Variants in MYO16 observed in about 807,000 individuals in gnomAD.
The protein encoded by MYO16 is myosin XVI, also known as unconventional myosin-XVI.
In MYO16, 94 loss-of-function variants were observed where a neutral mutation model predicts 205.3. The ratio of observed to expected loss-of-function variants is 0.46; its 90% confidence interval spans 0.39 to 0.54. The LOEUF (loss-of-function observed/expected upper bound fraction) is 0.54. Ranked by LOEUF, MYO16 falls within the 20% of genes least tolerant of loss-of-function variation. The probability of loss-of-function intolerance (pLI) is 0.00; values close to 1 mark genes in which losing one functional copy is unlikely to be tolerated. For missense variants in MYO16, 2,315 were observed against 2,387.5 expected, an observed-to-expected ratio of 0.97 and a Z score of 0.63; for synonymous variants, 988 against 954.0, an observed-to-expected ratio of 1.04 and a Z score of -0.66.
At chr13:109,090,732 T>G (rs749208879) in intron 27 of MYO16, among the ~76,000 whole-genome samples, 3 of 152,166 alleles carry the variant, frequency 2.0e-5, no homozygotes, top group African/African-American at 7.2e-5. Context: ...AAAATAGATT[T>G]CTGTGTGAAC....
At chr13:108,737,996 T>G (rs1004746177) in intron 4 of MYO16, among the ~76,000 whole-genome samples, 1 of 152,172 alleles carries the variant, frequency 6.6e-6, no homozygotes, top group African/African-American at 2.4e-5. Flanking sequence ...CCTTTATAAT[T>G]TTTATTGTGT....
chr13:108,828,818 A>C (rs1476842332), intron 9 of MYO16, among the ~76,000 whole-genome samples: 1 of 152,142 alleles, frequency 6.6e-6, no homozygotes, highest in East Asian at 1.9e-4. Context: ...GAGACTCCGA[A>C]TTGGTGAGCA....
chr13:109,170,274 A>T (rs1878871353), intron 33 of MYO16, among the ~76,000 whole-genome samples: 1 of 152,214 alleles, frequency 6.6e-6, no homozygotes, highest in Non-Finnish European at 1.5e-5. Flanking sequence ...TTAGAAAAAC[A>T]ATTTTAATGG....
chr13:108,728,296 G>A (rs1023426071), intron 4 of MYO16, among the ~76,000 whole-genome samples: 2 of 152,138 alleles, frequency 1.3e-5, no homozygotes, highest in African/African-American at 2.4e-5. Context: ...TTACACAAAA[G>A]CAAACTGATG....
At chr13:109,002,888 G>A (rs954283068) in intron 21 of MYO16, among the ~76,000 whole-genome samples, 2 of 152,176 alleles carry the variant, frequency 1.3e-5, no homozygotes, top group Non-Finnish European at 2.9e-5. Context: ...CATTTGGTTT[G>A]TGGGGTACAT....
chr13:108,771,866 T>A (rs1250584208), intron 4 of MYO16, among the ~76,000 whole-genome samples: 1 of 152,218 alleles, frequency 6.6e-6, no homozygotes, highest in Non-Finnish European at 1.5e-5. Flanking sequence ...TTCCAATGTC[T>A]GGATGTACCA....
chr13:108,591,758 T>C (rs1878406004), upstream of MYO16, among the ~76,000 whole-genome samples: 1 of 152,200 alleles, frequency 6.6e-6, no homozygotes, highest in African/African-American at 2.4e-5. Context: ...CTTTGAAGTT[T>C]CAAATAAAAA....
chr13:108,768,552 G>T (rs1885856420), intron 4 of MYO16, among the ~76,000 whole-genome samples: 1 of 152,142 alleles, frequency 6.6e-6, no homozygotes, highest in East Asian at 1.9e-4. Context: ...TATTTGAAAA[G>T]ATCTTAAACT....
chr13:108,972,245 C>CTATATATATATA (rs1374363684), intron 20 of MYO16, among the ~76,000 whole-genome samples: 6 of 8,594 alleles, frequency 7.0e-4, no homozygotes, highest in Non-Finnish European at 1.5e-3. Flanking sequence ...CTCTCTCTCT[C>CTATATATATATA]TCTCTATATA....
chr13:108,719,075 G>A (rs1375554414), intron 3 of MYO16, among the ~76,000 whole-genome samples: 1 of 152,084 alleles, frequency 6.6e-6, no homozygotes, highest in Non-Finnish European at 1.5e-5. Flanking sequence ...ATAGCAACTA[G>A]ATTTTGTGTT....
chr13:108,970,081 T>C (rs1321850816), intron 20 of MYO16, among the ~76,000 whole-genome samples: 1 of 152,210 alleles, frequency 6.6e-6, no homozygotes, highest in Non-Finnish European at 1.5e-5. Flanking sequence ...GGGAACACGT[T>C]AAAATTACTG....
chr13:109,090,399 T>G (rs1268661545), intron 27 of MYO16, among the ~76,000 whole-genome samples: 1 of 152,216 alleles, frequency 6.6e-6, no homozygotes, highest in Middle Eastern at 3.2e-3. Flanking sequence ...GGGAGAAGAC[T>G]GGTGAGCTCT....
intron 25 of MYO16, 75 bp from the exon 26 acceptor site, chr13:109,054,971 T>A: frequency 5.0e-6 from 4 of 796,670 alleles, no homozygotes; most frequent in Non-Finnish European, 5.9e-6. Context: ...CCTTCCTCCC[T>A]CCTTTTCCTC....
At position 108,637,952 on chromosome 13, in the gene MYO16, T is replaced by C. The variant is rs552848412; in HGVS notation, c.28+8080T>C. Among the ~76,000 whole-genome samples, 42 of 152,202 alleles carry C rather than the reference T, an allele frequency of 2.8e-4. No homozygotes were observed. In the South Asian group the frequency reaches 6.8e-3, roughly 25 times the overall value. ...CATTCCTACTCTCTTGAAATCACCA[T>C]ACCAGTGTGTGAGACAGAGTAAGTA... On this transcript the variant is annotated intron_variant, in intron 1 of 34. Transcript: ENST00000457511.
intron 33 of MYO16, among the ~76,000 whole-genome samples, chr13:109,175,090 A>G (rs1194050311): frequency 6.6e-6 from 1 of 151,926 alleles, no homozygotes; most frequent in Non-Finnish European, 1.5e-5. Context: ...TGAACCCACT[A>G]CGCTCTGCAT....
At chr13:108,927,684 G>A (rs572311897) in intron 16 of MYO16, among the ~76,000 whole-genome samples, 15 of 152,362 alleles carry the variant, frequency 9.8e-5, no homozygotes, top group Non-Finnish European at 1.9e-4. Flanking sequence ...AAAATGCCAA[G>A]CGGACGGACA....
chr13:108,833,779 A>G (rs2139047061), intron 9 of MYO16, among the ~76,000 whole-genome samples: 1 of 152,300 alleles, frequency 6.6e-6, no homozygotes, highest in Non-Finnish European at 1.5e-5. Flanking sequence ...AGTAGAGTTC[A>G]GAAATTGGTT....
chr13:108,933,393 TGAA>T (rs924591951), intron 16 of MYO16, among the ~76,000 whole-genome samples: 1 of 152,142 alleles, frequency 6.6e-6, no homozygotes, highest in Non-Finnish European at 1.5e-5. Flanking sequence ...CTTGAAGAAA[TGAA>T]GAAGCTCTTT....
In MYO16 at chr13:109,127,223, G is replaced by A. The variant is rs1014564227; in HGVS notation, c.3783-59G>A. The A allele has an allele frequency of 1.1e-5, 16 of 1,504,678 alleles. No individual in the cohort carries two copies. In the African/African-American group the frequency reaches 1.5e-4, roughly 14 times the overall value. 93.2% of individuals were successfully genotyped at this position (1,504,678 alleles called of 1,614,324 possible). ...CTGCTTGAGCAGGTTCCTTGTTACCGGAATAATGCATCTGGGCCTCTCTGG... is the reference window on the plus strand; with the variant it reads ...CTGCTTGAGCAGGTTCCTTGTTACCAGAATAATGCATCTGGGCCTCTCTGG... On this transcript the variant is annotated intron_variant, in intron 30 of 34. Transcript: ENST00000457511. The surrounding 1 kb of genome is among the most constrained non-coding windows in gnomAD (Gnocchi z 4.2).
Sources: gnomAD v4.1 joint callset for allele counts (sites outside exome capture counted in the v4.1 genomes callset) on GRCh38, gnomAD v4.1.1 for gene constraint, Gnocchi (gnomAD v3.1) non-coding constraint, MANE v1.5 for transcripts, NCBI Gene and HGNC (gene_info 2026-07-23, HGNC 2026-07-21) for gene names.